The following PPRC1 variants were observed in gnomAD, a reference collection of about 807,000 sequenced individuals.
PPRC1 encodes the protein peroxisome proliferator-activated receptor gamma coactivator-related protein 1.
Under a neutral mutation model 132.5 loss-of-function variants are expected in PPRC1, and 23 were observed. That is an observed-to-expected ratio of 0.17 (90% CI 0.12 to 0.25). The LOEUF (loss-of-function observed/expected upper bound fraction) is 0.25. PPRC1 is among the 10% of genes least tolerant of loss of function. The pLI is 1.00. For synonymous variants in PPRC1, 872 were observed against 833.5 expected (o/e 1.05, Z -0.80); for missense variants, 2,006 against 2,089.1 (o/e 0.96, Z 0.78).
intron 1 of PPRC1, 78 bp from the exon 2 acceptor site, chr10:102,137,772 A>AGG: frequency 7.1e-7 from 1 of 1,400,054 alleles, no homozygotes. Context: ...CCAGCAGTGG[A>AGG]GGGTACCTGA....
intron 13 of PPRC1, 75 bp downstream of exon 13, chr10:102,149,404 G>T: frequency 1.4e-6 from 2 of 1,435,998 alleles, no homozygotes; most frequent in Non-Finnish European, 1.8e-6. Context: ...CTTTGTGAGT[G>T]GGGCTAGGCA....
At chr10:102,142,055 C>T (rs937711489) in intron 5 of PPRC1, 51 bp downstream of exon 5, 1 of 1,539,122 alleles carries the variant, frequency 6.5e-7, no homozygotes. Context: ...CTGGGGGACT[C>T]TAGAATAGGA....
At chr10:102,138,172 G>A (rs2068795541) in intron 2 of PPRC1, 134 bp downstream of exon 2, 2 of 926,010 alleles carry the variant, frequency 2.2e-6, no homozygotes, top group Non-Finnish European at 3.2e-6. Context: ...TCCTTGAAGT[G>A]TATTTTTTGT....
rs745424896 is a variant in PPRC1, at chr10:102,139,954, T to G, written c.1446T>G (p.Ser482=). ...VEGYARRLRS[S]SRGQSTVGTE... The stretch of plus-strand genomic sequence containing the variant: ...GCTATGCCAGGAGGCTGAGGTCATC[T>G]TCTCGCGGGCAGTCTACTGTAGGTA... Residue 482 remains serine, a synonymous_variant, in exon 5 of 14, where the codon TCT becomes TCG. Transcript: ENST00000278070. 2 of 1,614,246 alleles carry G rather than the reference T, an allele frequency of 1.2e-6. No individual in the cohort carries two copies. Among genetic ancestry groups the G allele is most frequent in the South Asian group, 2.2e-5 (2 of 91,092 alleles).
Position 102,145,060 on chromosome 10 carries a change from T to G in PPRC1, c.3649T>G (p.Leu1217Val), listed in dbSNP as rs772637649. 3 of 1,613,394 alleles carry G rather than the reference T, an allele frequency of 1.9e-6. No individual in the cohort carries two copies. The African/African-American group carries it at 4.0e-5, about 22-fold the overall frequency. ...CCAGGAGAAGAGGCCCCTAGACCGG[T>G]TACAAGCCCCAGAACTGGCCAACGT... ...IPQEKRPLDRLQAPELANVAG... is the reference protein window; with the variant it reads ...IPQEKRPLDRVQAPELANVAG... The change falls in exon 8 of 14, where the codon TTA (leucine) becomes GTA (valine). Residue 1217 changes from leucine (L) to valine (V), a missense_variant. Transcript: ENST00000278070.
intron 13 of PPRC1, 80 bp from the exon 14 acceptor site, chr10:102,149,846 T>C: frequency 9.3e-7 from 1 of 1,075,120 alleles, no homozygotes; most frequent in South Asian, 1.3e-5. Flanking sequence ...GTTTTTGGGA[T>C]GGGAGATAGC....
At chr10:102,143,177 C>G in intron 6 of PPRC1, 79 bp downstream of exon 6, 2 of 1,388,008 alleles carry the variant, frequency 1.4e-6, no homozygotes, top group South Asian at 2.4e-5. Flanking sequence ...GTTGCTTAAA[C>G]TAGGGTGAGA....
rs1300757507 is a variant in PPRC1, at chr10:102,145,071, A to G, written c.3660A>G (p.Pro1220=). The G allele has an allele frequency of 1.2e-6, 2 of 1,613,764 alleles. No individual in the cohort carries two copies. Among genetic ancestry groups the G allele is most frequent in the African/African-American group, 1.3e-5 (1 of 74,912 alleles). Residue 1220 remains proline (P), a synonymous_variant, in exon 8 of 14, where the codon CCA becomes CCG. Transcript: ENST00000278070. ...EKRPLDRLQA[P]ELANVAGLTP... The stretch of plus-strand genomic sequence containing the variant: ...GGCCCCTAGACCGGTTACAAGCCCC[A>G]GAACTGGCCAACGTGGCAGGTGGGT...
In PPRC1 at chr10:102,140,589, G is replaced by C; in HGVS notation, c.2081G>C (p.Arg694Thr). The change falls in exon 5 of 14, where the codon AGA (arginine) becomes ACA (threonine). Residue 694 changes from arginine (R) to threonine (T), a missense_variant. Coordinates refer to ENST00000278070, the MANE Select transcript of PPRC1 (RefSeq NM_015062.5). Reference sequence around the variant, plus strand: ...GTTAAGTCCAGACCAACTGATCCCAGACGTGGTGCAGTGTCATCAGCCCTG... The same window carrying C: ...GTTAAGTCCAGACCAACTGATCCCACACGTGGTGCAGTGTCATCAGCCCTG... ...VLVKSRPTDP[R>T]RGAVSSALGG... 2 of 1,614,088 alleles carry C rather than the reference G, an allele frequency of 1.2e-6. No homozygotes were observed. Among genetic ancestry groups the C allele is most frequent in the Non-Finnish European group, 1.7e-6 (2 of 1,180,010 alleles).
intron 1 of PPRC1, among the ~76,000 whole-genome samples, chr10:102,134,442 A>G (rs2068648019): frequency 6.6e-6 from 1 of 152,194 alleles, no homozygotes; most frequent in Non-Finnish European, 1.5e-5. Context: ...AGGGCTTCTT[A>G]AAAGTTTCCA....
chr10:102,146,400 A>T (rs1489211704), intron 8 of PPRC1, among the ~76,000 whole-genome samples: 5 of 152,016 alleles, frequency 3.3e-5, no homozygotes, highest in Non-Finnish European at 7.4e-5. Context: ...CTGAGAATGG[A>T]GAGCTTAGAC....
intron 8 of PPRC1, among the ~76,000 whole-genome samples, chr10:102,145,532 C>T (rs2069186326): frequency 6.7e-6 from 1 of 149,432 alleles, no homozygotes. Context: ...GATCGTGCCA[C>T]TGCACTCCAG....
intron 6 of PPRC1, 56 bp downstream of exon 6, chr10:102,143,154 G>T (rs187894088): frequency 2.6e-6 from 4 of 1,534,034 alleles, no homozygotes; most frequent in Admixed American, 1.7e-5. Flanking sequence ...ACTTTTTTGG[G>T]CCCAGCCCTG....
intron 2 of PPRC1, 42 bp from the exon 3 acceptor site, chr10:102,138,577 T>C (rs2068809855): frequency 6.2e-7 from 1 of 1,605,200 alleles, no homozygotes; most frequent in African/African-American, 1.3e-5. Flanking sequence ...AGTAGGTCAT[T>C]AGGGATGTTG....
chr10:102,122,010 T>A, the PPRC1 span, among the ~76,000 whole-genome samples: 3 of 152,064 alleles, frequency 2.0e-5, no homozygotes, highest in Non-Finnish European at 4.4e-5. Flanking sequence ...TGCCTAGGAA[T>A]GGAGACCCTC....
chr10:102,135,479 T>C, intron 1 of PPRC1, among the ~76,000 whole-genome samples: 1 of 152,198 alleles, frequency 6.6e-6, no homozygotes. Flanking sequence ...CCTGGGTTCA[T>C]GCAATTCCCC....
At chr10:102,131,564 G>C (rs2068543797), upstream of PPRC1, among the ~76,000 whole-genome samples, 1 of 152,172 alleles carries the variant, frequency 6.6e-6, no homozygotes, top group Non-Finnish European at 1.5e-5. Context: ...CTATTCCACA[G>C]AAAGATTGCA....
intron 5 of PPRC1, 185 bp from the exon 6 acceptor site, chr10:102,142,860 T>G: frequency 2.1e-6 from 1 of 485,998 alleles, no homozygotes; most frequent in Non-Finnish European, 3.7e-6. Context: ...CTGTGGAGGG[T>G]TCTTCAGAGG....
chr10:102,149,377 C>T (rs2069413069), intron 13 of PPRC1, 48 bp downstream of exon 13: 1 of 1,513,602 alleles, frequency 6.6e-7, no homozygotes, highest in South Asian at 1.3e-5. Context: ...ATCCCCTCCC[C>T]AGAAGGGTTC....
Sources: gnomAD v4.1 joint callset for allele counts (sites outside exome capture counted in the v4.1 genomes callset) on GRCh38, gnomAD v4.1.1 for gene constraint, MANE v1.5 for transcripts, NCBI Gene and HGNC (gene_info 2026-07-23, HGNC 2026-07-21) for gene names.